The following UTY variants were observed in gnomAD, a reference collection of about 807,000 sequenced individuals.
UTY encodes ubiquitously transcribed tetratricopeptide repeat containing, Y-linked.
A neutral mutation model predicts 32.5 loss-of-function variants in UTY; 12 were observed. That is an observed-to-expected ratio of 0.37 (90% confidence interval 0.24 to 0.60). UTY has a LOEUF of 0.60. UTY is among the 20% of genes least tolerant of loss of function. The pLI is 0.69. For missense variants in UTY, 303 were observed against 299.2 expected (o/e 1.01, Z -0.09); for synonymous variants, 131 against 103.4 (o/e 1.27, Z -1.62).
chrY:13,249,740 G>C lies in UTY; in HGVS notation c.*116C>G. The C allele has an allele frequency of 9.6e-6, 1 of 103,702 alleles. No individual in the cohort carries two copies. The highest frequency in any genetic ancestry group is 1.9e-5 in the Non-Finnish European group (1 of 53,788). 25.9% of individuals were successfully genotyped at this position (103,702 alleles called of 400,897 possible). A position where few individuals can be genotyped will look rare whatever the true frequency, so the allele number is the denominator to read the frequency against. On this transcript the variant is annotated 3_prime_UTR_variant, in exon 30 of 30. Coordinates refer to ENST00000545955, the MANE Select transcript of UTY (RefSeq NM_001258249.2). Reference sequence around the variant, plus strand: ...CCAGTTGCTTGACATACTATTCTTGGAAGGTTGCATAGACATAGCTTTTAG... The same window carrying C: ...CCAGTTGCTTGACATACTATTCTTGCAAGGTTGCATAGACATAGCTTTTAG...
rs759809398 is a variant in UTY, at chrY:13,368,238, T to A, written c.739+1018A>T. ...CCGCCACAATGCCTGGCTATTTTTT[T>A]TTTTTTTTTTTTTTACTAGAGATGG... On this transcript the variant is annotated intron_variant, in intron 9 of 29. Transcript: ENST00000545955. Among the ~76,000 whole-genome samples, 48 of 24,779 alleles carry A rather than the reference T, an allele frequency of 1.9e-3. No individual in the cohort carries two copies. The East Asian group carries it at 0.045, about 23-fold the overall frequency. The allele number at this position is 24,779 out of a possible 37,273, so 66.5% of individuals were successfully genotyped here. A position where few individuals can be genotyped will look rare whatever the true frequency, so the allele number is the denominator to read the frequency against.
chrY:13,290,943 C>A (rs2057733352), intron 27 of UTY, among the ~76,000 whole-genome samples: 1 of 29,154 alleles, frequency 3.4e-5, no homozygotes, highest in African/African-American at 1.4e-4. Context: ...TGCAGTGGTG[C>A]GACCTTGGCT....
At chrY:13,396,823 C>A in intron 7 of UTY, 95 bp downstream of exon 7, 2 of 170,348 alleles carry the variant, frequency 1.2e-5, no homozygotes, top group Admixed American at 1.3e-4. Context: ...CTTCTCACTT[C>A]TCTTCTCAAG....
intron 28 of UTY, among the ~76,000 whole-genome samples, chrY:13,254,476 G>C: frequency 3.0e-5 from 1 of 33,401 alleles, no homozygotes; most frequent in Non-Finnish European, 7.4e-5. Flanking sequence ...ACCTGATTTC[G>C]GGAAACGCCA....
At chrY:13,278,062 C>T (rs2056797638) in intron 27 of UTY, among the ~76,000 whole-genome samples, 1 of 33,308 alleles carries the variant, frequency 3.0e-5, no homozygotes, top group South Asian at 6.9e-4. Flanking sequence ...TAGAACAGGG[C>T]GCCATCATGC....
At chrY:13,326,494 T>A in intron 18 of UTY, 144 bp from the exon 19 acceptor site, 1 of 151,977 alleles carries the variant, frequency 6.6e-6, no homozygotes, top group Non-Finnish European at 1.2e-5. Context: ...AAACAAAAAA[T>A]TGAGGACTAT....
intron 2 of UTY, among the ~76,000 whole-genome samples, chrY:13,474,907 C>G: frequency 3.0e-5 from 1 of 33,571 alleles, no homozygotes; most frequent in African/African-American, 1.2e-4. Flanking sequence ...CCAAGTAAAG[C>G]TTATAACAAA....
downstream of UTY, among the ~76,000 whole-genome samples, chrY:13,243,960 C>T: frequency 3.1e-5 from 1 of 31,869 alleles, no homozygotes; most frequent in Non-Finnish European, 7.6e-5. Context: ...AGACACACGC[C>T]ATTACACCCA....
intron 27 of UTY, among the ~76,000 whole-genome samples, chrY:13,261,855 T>C: frequency 3.0e-5 from 1 of 33,281 alleles, no homozygotes; most frequent in Non-Finnish European, 7.4e-5. Flanking sequence ...TTTCTGTCTA[T>C]ATTTGAATTT....
intron 21 of UTY, among the ~76,000 whole-genome samples, chrY:13,310,742 C>A: frequency 3.0e-5 from 1 of 33,423 alleles, no homozygotes; most frequent in Non-Finnish European, 7.4e-5. Context: ...AAGTGACCCA[C>A]AGATTCAATG....
At chrY:13,285,769 A>G (rs575613166) in intron 27 of UTY, among the ~76,000 whole-genome samples, 915 of 34,145 alleles carry the variant, frequency 0.027, no homozygotes, top group Middle Eastern at 0.2. Context: ...TAGCATAAGA[A>G]GCAAATAAGC....
Position 13,434,051 on chromosome Y carries a change from C to T in UTY, c.375+14966G>A. ...ATCAAAGGGAATCATTACAGAATTCCACACTGGCAAACAGACAATAGAAAG... is the reference window on the plus strand; with the variant it reads ...ATCAAAGGGAATCATTACAGAATTCTACACTGGCAAACAGACAATAGAAAG... On this transcript the variant is annotated intron_variant, in intron 4 of 29. Coordinates refer to ENST00000545955, the MANE Select transcript of UTY (RefSeq NM_001258249.2). Among the ~76,000 whole-genome samples the T allele has an allele frequency of 1.2e-4, 4 of 33,722 alleles. No individual in the cohort carries two copies. In the East Asian group the frequency reaches 3.1e-3, roughly 26 times the overall value. 90.5% of individuals were successfully genotyped at this position (33,722 alleles called of 37,273 possible).
chrY:13,410,973 G>A lies in UTY; in HGVS notation c.555+20C>T. The A allele has an allele frequency of 2.5e-6, 1 of 396,819 alleles. No homozygotes were observed. Among genetic ancestry groups the A allele is most frequent in the Non-Finnish European group, 3.5e-6 (1 of 282,379 alleles). On this transcript the variant is annotated intron_variant, in intron 6 of 29. Transcript: ENST00000545955. Reference sequence around the variant, plus strand: ...CACACATATGAAATTGTGTATGTGGGAAAAATCTCAACCACCTACCTTTAA... The same window carrying A: ...CACACATATGAAATTGTGTATGTGGAAAAAATCTCAACCACCTACCTTTAA...
chrY:13,451,426 G>A, intron 3 of UTY, among the ~76,000 whole-genome samples: 1 of 32,769 alleles, frequency 3.1e-5, no homozygotes, highest in Non-Finnish European at 7.5e-5. Flanking sequence ...AAAAAAGAAC[G>A]GAAAAAGGAA....
intron 8 of UTY, among the ~76,000 whole-genome samples, chrY:13,384,638 G>A (rs2066506769): frequency 3.1e-5 from 1 of 32,761 alleles, no homozygotes; most frequent in Non-Finnish European, 7.5e-5. Flanking sequence ...ACTCTAGCCT[G>A]GGCAACAGAG....
chrY:13,457,104 T>C (rs2076857878), intron 3 of UTY, among the ~76,000 whole-genome samples: 1 of 33,661 alleles, frequency 3.0e-5, no homozygotes. Flanking sequence ...TTATTTATGC[T>C]GGGGTATTCA....
chrY:13,367,510 G>C lies in UTY; in HGVS notation c.740-1117C>G, dbSNP rs781210747. ...TCAAATCAAAAACAGTCTGTCAGCTGTGACTTAATTCAAGTGTATAAAATT... is the reference window on the plus strand; with the variant it reads ...TCAAATCAAAAACAGTCTGTCAGCTCTGACTTAATTCAAGTGTATAAAATT... On this transcript the variant is annotated intron_variant, in intron 9 of 29. Transcript: ENST00000545955. 1.6e-3 allele frequency among the ~76,000 whole-genome samples: 54 copies of C among 33,658 alleles called. No homozygotes were observed. In the South Asian group the frequency reaches 0.029, roughly 18 times the overall value. The allele number at this position is 33,658 out of a possible 37,273, so 90.3% of individuals were successfully genotyped here. A position where few individuals can be genotyped will look rare whatever the true frequency, so the allele number is the denominator to read the frequency against.
intron 17 of UTY, among the ~76,000 whole-genome samples, chrY:13,336,790 T>C: frequency 6.0e-5 from 2 of 33,409 alleles, no homozygotes; most frequent in African/African-American, 1.2e-4. Context: ...ACTGAAATCA[T>C]AGAAAGTATG....
chrY:13,364,396 T>A (rs2149303224), intron 10 of UTY, among the ~76,000 whole-genome samples: 1 of 32,455 alleles, frequency 3.1e-5, no homozygotes, highest in East Asian at 8.0e-4. Context: ...TGAGATGGAG[T>A]CTCTATCTCC....
Sources: gnomAD v4.1 joint callset for allele counts (sites outside exome capture counted in the v4.1 genomes callset) on GRCh38, gnomAD v4.1.1 for gene constraint, MANE v1.5 for transcripts, NCBI Gene and HGNC (gene_info 2026-07-23, HGNC 2026-07-21) for gene names.